Variants in VIPR2 observed in about 807,000 individuals in gnomAD.
VIPR2 encodes vasoactive intestinal polypeptide receptor 2.
VIPR2 carries 48 observed loss-of-function variants against 58.0 expected under a neutral mutation model. That is an observed-to-expected ratio of 0.83 (90% confidence interval 0.66 to 1.05). The LOEUF (loss-of-function observed/expected upper bound fraction) is 1.05. Ranked by LOEUF, VIPR2 falls within the 50% of genes least tolerant of loss-of-function variation. VIPR2 has a pLI of 0.00. For missense variants in VIPR2, 534 were observed against 558.0 expected, an observed-to-expected ratio of 0.96 and a Z score of 0.43; for synonymous variants, 243 against 235.2, an observed-to-expected ratio of 1.03 and a Z score of -0.30.
chr7:159,091,566 C>A (rs1426693037), intron 4 of VIPR2, among the ~76,000 whole-genome samples: 1 of 152,252 alleles, frequency 6.6e-6, no homozygotes, highest in Admixed American at 6.5e-5. Flanking sequence ...GCCTGCCTCG[C>A]AGGGGGCCCA....
At chr7:159,131,894 TC>T (rs1796928326) in intron 2 of VIPR2, among the ~76,000 whole-genome samples, 1 of 152,180 alleles carries the variant, frequency 6.6e-6, no homozygotes, top group South Asian at 2.1e-4. Flanking sequence ...TCTTGTAAAT[TC>T]CCATTTTAAA....
intron 2 of VIPR2, among the ~76,000 whole-genome samples, chr7:159,116,083 G>C (rs917018027): frequency 6.6e-6 from 1 of 152,198 alleles, no homozygotes; most frequent in Non-Finnish European, 1.5e-5. Flanking sequence ...GGACTGACAG[G>C]CTCTTCCTTC....
At chr7:159,091,938 C>G (rs988997964) in intron 4 of VIPR2, among the ~76,000 whole-genome samples, 3 of 152,214 alleles carry the variant, frequency 2.0e-5, no homozygotes, top group Non-Finnish European at 4.4e-5. Context: ...ACTAAAAATA[C>G]AAAAATTGGC....
intron 10 of VIPR2, among the ~76,000 whole-genome samples, chr7:159,033,272 A>G (rs979567792): frequency 2.0e-5 from 3 of 152,102 alleles, no homozygotes; most frequent in Non-Finnish European, 2.9e-5. Context: ...CCCCTCCCCA[A>G]ATCCATCCCT....
rs1425323069 is a variant in VIPR2 at position 159,095,582 on chromosome 7, T to A, written c.357+8175A>T. 6.6e-6 allele frequency among the ~76,000 whole-genome samples: 1 copy of A among 152,204 alleles called. No individual in the cohort carries two copies. Among genetic ancestry groups the A allele is most frequent in the Non-Finnish European group, 1.5e-5 (1 of 68,044 alleles). On this transcript the variant is annotated intron_variant, in intron 4 of 12. Coordinates refer to ENST00000262178, the MANE Select transcript of VIPR2 (RefSeq NM_003382.5). The surrounding 1 kb of genome is among the most constrained non-coding windows in gnomAD (Gnocchi z 5.2). ...TTTTGTAAATATAAAACCAATATAT[T>A]CTTATTTTTGAAAAAGCAGAAAATA... is the stretch of plus-strand genomic sequence containing the variant.
chr7:159,144,237 A>C (rs776122032), intron 1 of VIPR2: 27 of 1,318,916 alleles, frequency 2.0e-5, no homozygotes, highest in Non-Finnish European at 2.5e-5. Context: ...GGAAAAAGCA[A>C]CTATTTCCAA....
At chr7:159,044,446 A>G (rs1854525967) in intron 5 of VIPR2, among the ~76,000 whole-genome samples, 1 of 152,146 alleles carries the variant, frequency 6.6e-6, no homozygotes, top group Non-Finnish European at 1.5e-5. Flanking sequence ...TAATAAGAAA[A>G]TATGGCCCAT....
intron 3 of VIPR2, 79 bp from the exon 4 acceptor site, chr7:159,103,933 C>G (rs2270314): frequency 0.14 from 173,493 of 1,266,346 alleles, 12,564 homozygotes; most frequent in East Asian, 0.2. Flanking sequence ...CGTGCTGAGC[C>G]CGTGCTCTAT....
intron 3 of VIPR2, among the ~76,000 whole-genome samples, chr7:159,104,793 T>C (rs11520625): frequency 0.11 from 16,882 of 148,622 alleles, 1,124 homozygotes; most frequent in African/African-American, 0.2. Flanking sequence ...CCACCGATGG[T>C]GACCGGGTGC....
chr7:159,032,157 G>A, intron 10 of VIPR2, 90 bp from the exon 11 acceptor site: 1 of 1,546,660 alleles, frequency 6.5e-7, no homozygotes, highest in East Asian at 2.4e-5. Context: ...GGGCAGCTGG[G>A]TGTGGGAGGG....
At chr7:159,072,617 C>T (rs538061373) in intron 4 of VIPR2, among the ~76,000 whole-genome samples, 4 of 152,326 alleles carry the variant, frequency 2.6e-5, no homozygotes, top group East Asian at 3.9e-4. Context: ...TCCTGGACGA[C>T]AGGCCCATGA....
Position 159,048,954 on chromosome 7 carries a change from A to T in VIPR2, c.456-5778T>A, listed in dbSNP as rs3793215. Among the ~76,000 whole-genome samples the T allele has an allele frequency of 1.6e-3, 241 of 152,210 alleles. 5 individuals carry two copies. The East Asian group carries it at 0.036, about 23-fold the overall frequency. On this transcript the variant is annotated intron_variant, in intron 5 of 12. Transcript: ENST00000262178. ...TGGAGGACCCTTCTCTCCCACTCAA[A>T]AGATTCCTCATTCTTAGCCTTCAGT...
intron 5 of VIPR2, 52 bp from the exon 6 acceptor site, chr7:159,043,228 G>C: frequency 1.5e-6 from 2 of 1,320,634 alleles, no homozygotes; most frequent in Non-Finnish European, 2.1e-6. Context: ...GGGGAGGGAG[G>C]GAGAGAGAAC....
At position 159,096,949 on chromosome 7, in the gene VIPR2, C is replaced by G; in HGVS notation, c.357+6808G>C. 6 of 1,550,650 alleles carry G rather than the reference C, an allele frequency of 3.9e-6. No homozygotes were observed. The highest frequency in any genetic ancestry group is 5.2e-6 in the Non-Finnish European group (6 of 1,147,006). ...CAATGCCCTCGTGGCTGGCATTGAG[C>G]TTGGCACCTGCTGGGCCTGAGGACC... On this transcript the variant is annotated intron_variant, in intron 4 of 12. Coordinates refer to ENST00000262178, the MANE Select transcript of VIPR2 (RefSeq NM_003382.5). This position sits in a 1 kb window ranked among gnomAD's most constrained non-coding sequence, Gnocchi z 5.5.
rs910823454 is a variant in VIPR2, at chr7:159,096,263, T to G, written c.357+7494A>C. Among the ~76,000 whole-genome samples the G allele has an allele frequency of 2.0e-5, 3 of 152,180 alleles. No individual in the cohort carries two copies. Among genetic ancestry groups the G allele is most frequent in the African/African-American group, 7.2e-5 (3 of 41,450 alleles). On this transcript the variant is annotated intron_variant, in intron 4 of 12. Coordinates refer to ENST00000262178, the MANE Select transcript of VIPR2 (RefSeq NM_003382.5). The surrounding 1 kb of genome is among the most constrained non-coding windows in gnomAD (Gnocchi z 5.5). ...CCCCTGCCTGGGGCCACACACTCCT[T>G]CATGCAGAGCCTGGTGTGCAGACCC...
intron 4 of VIPR2, among the ~76,000 whole-genome samples, chr7:159,103,318 C>T (rs908149326): frequency 1.3e-5 from 2 of 152,190 alleles, no homozygotes; most frequent in African/African-American, 4.8e-5. Context: ...TAATTGTGAT[C>T]ACATCTCCTG....
intron 2 of VIPR2, 57 bp from the exon 3 acceptor site, chr7:159,109,976 G>T: frequency 1.3e-6 from 2 of 1,552,852 alleles, no homozygotes; most frequent in Non-Finnish European, 1.8e-6. Context: ...GTCACAAATA[G>T]AAACCCCATT....
intron 6 of VIPR2, among the ~76,000 whole-genome samples, chr7:159,037,688 GCATT>G (rs1378727728): frequency 2.0e-5 from 3 of 152,266 alleles, no homozygotes; most frequent in Admixed American, 2.0e-4. Context: ...GGAAAGAATT[GCATT>G]ATTATATAAA....
At chr7:159,080,576 C>G (rs528904624) in intron 4 of VIPR2, among the ~76,000 whole-genome samples, 2 of 152,336 alleles carry the variant, frequency 1.3e-5, no homozygotes, top group South Asian at 4.1e-4. Flanking sequence ...GATGCCCTCT[C>G]TCACCACTCC....
Sources: allele counts gnomAD v4.1 joint callset (sites outside exome capture counted in the v4.1 genomes callset), GRCh38; gene constraint gnomAD v4.1.1; non-coding constraint Gnocchi (gnomAD v3.1); transcripts MANE v1.5; gene names NCBI Gene and HGNC (gene_info 2026-07-23, HGNC 2026-07-21).